The following PHACTR3 variants were observed in gnomAD, a reference collection of about 807,000 sequenced individuals.
PHACTR3 encodes phosphatase and actin regulator 3.
Under a neutral mutation model 66.8 loss-of-function variants are expected in PHACTR3, and 16 were observed. The observed-to-expected ratio is 0.24, with a 90% CI of 0.16 to 0.36. The LOEUF (loss-of-function observed/expected upper bound fraction) is 0.36. Ranked by LOEUF, PHACTR3 falls within the 10% of genes least tolerant of loss-of-function variation. The pLI is 1.00. For missense variants in PHACTR3, 647 were observed against 719.9 expected, an observed-to-expected ratio of 0.90 and a Z score of 1.16; for synonymous variants, 323 against 292.1, an observed-to-expected ratio of 1.11 and a Z score of -1.08.
intron 1 of PHACTR3, among the ~76,000 whole-genome samples, chr20:59,676,461 C>T (rs1255758409): frequency 6.6e-6 from 1 of 151,934 alleles, no homozygotes; most frequent in African/African-American, 2.4e-5. Flanking sequence ...CTCACCCCCA[C>T]CCCCACCTCA....
chr20:59,588,066 G>A (rs1020158844), intron 1 of PHACTR3, among the ~76,000 whole-genome samples: 1 of 152,160 alleles, frequency 6.6e-6, no homozygotes, highest in African/African-American at 2.4e-5. Context: ...TCAGGTCACC[G>A]GGGGTCGGGA....
At chr20:59,605,192 G>C (rs1299248071) in intron 1 of PHACTR3, 60 bp downstream of exon 1, 2 of 1,174,526 alleles carry the variant, frequency 1.7e-6, no homozygotes, top group Non-Finnish European at 2.2e-6. Context: ...GTGGCGCTGA[G>C]AGCAGGACCC....
chr20:59,597,313 CTTG>C (rs893580459), intron 1 of PHACTR3, among the ~76,000 whole-genome samples: 2 of 152,242 alleles, frequency 1.3e-5, no homozygotes, highest in African/African-American at 4.8e-5. Flanking sequence ...CAGCATTAAT[CTTG>C]TTACCTCCTC....
intron 5 of PHACTR3, among the ~76,000 whole-genome samples, chr20:59,771,653 A>G (rs2040365841): frequency 6.7e-6 from 1 of 148,684 alleles, no homozygotes; most frequent in Non-Finnish European, 1.5e-5. Flanking sequence ...TCTCTATTCT[A>G]CAATCATCTG....
intron 1 of PHACTR3, among the ~76,000 whole-genome samples, chr20:59,635,479 C>A (rs561916030): frequency 6.6e-6 from 1 of 151,952 alleles, no homozygotes; most frequent in Non-Finnish European, 1.5e-5. Context: ...GGTGATCCAT[C>A]TGCCTCAGCC....
chr20:59,654,232 GAAACAA>G (rs2035545806), intron 1 of PHACTR3, among the ~76,000 whole-genome samples: 1 of 152,138 alleles, frequency 6.6e-6, no homozygotes, highest in Non-Finnish European at 1.5e-5. Flanking sequence ...AAAGGAATAA[GAAACAA>G]GCTTTTATTC....
chr20:59,657,257 T>TTGTG (rs112043545), intron 1 of PHACTR3, among the ~76,000 whole-genome samples: 10,892 of 150,146 alleles, frequency 0.073, 415 homozygotes, highest in African/African-American at 0.097. Flanking sequence ...TAGAAGTGTG[T>TTGTG]TGTGTGTGTG....
chr20:59,766,147 A>G (rs2040173745), intron 4 of PHACTR3, among the ~76,000 whole-genome samples: 1 of 152,196 alleles, frequency 6.6e-6, no homozygotes. Context: ...GCTGGAGGTG[A>G]AGCTGTGTGG....
intron 1 of PHACTR3, among the ~76,000 whole-genome samples, chr20:59,694,669 G>A (rs980193490): frequency 1.3e-5 from 2 of 152,190 alleles, no homozygotes; most frequent in African/African-American, 4.8e-5. Context: ...TCTGTGTGAT[G>A]GAGTAATAGT....
At chr20:59,584,616 C>A (rs573809671) in intron 1 of PHACTR3, among the ~76,000 whole-genome samples, 1 of 152,266 alleles carries the variant, frequency 6.6e-6, no homozygotes, top group Admixed American at 6.5e-5. Context: ...AGTGTGCCAG[C>A]CTCAGCACAG....
At chr20:59,587,032 C>A in intron 1 of PHACTR3, among the ~76,000 whole-genome samples, 1 of 152,212 alleles carries the variant, frequency 6.6e-6, no homozygotes, top group Admixed American at 6.5e-5. Flanking sequence ...GCTTTGGAAG[C>A]CCTTAAAAGA....
chr20:59,802,889 G>A (rs757133883), intron 7 of PHACTR3, among the ~76,000 whole-genome samples: 7 of 152,180 alleles, frequency 4.6e-5, no homozygotes, highest in Non-Finnish European at 8.8e-5. Context: ...AGTTCCATAG[G>A]GTATTACTGA....
chr20:59,674,598 C>CA, intron 1 of PHACTR3, among the ~76,000 whole-genome samples: 1 of 87,826 alleles, frequency 1.1e-5, no homozygotes, highest in Non-Finnish European at 2.2e-5. Context: ...CTCCTGTCCC[C>CA]GCTTCTCCTG....
intron 1 of PHACTR3, among the ~76,000 whole-genome samples, chr20:59,646,552 C>T (rs2035286276): frequency 6.6e-6 from 1 of 152,086 alleles, no homozygotes; most frequent in Non-Finnish European, 1.5e-5. Context: ...TCAGTCCTTC[C>T]TGCTGACTTT....
At position 59,829,106 on chromosome 20, in the gene PHACTR3, C is replaced by T. The variant is rs544360431; in HGVS notation, c.1329-7399C>T. Among the ~76,000 whole-genome samples the T allele has an allele frequency of 8.5e-5, 13 of 152,078 alleles. No individual in the cohort carries two copies. The highest frequency in any genetic ancestry group is 1.4e-4 in the African/African-American group (6 of 41,484). The stretch of plus-strand genomic sequence containing the variant: ...GCCCCTGAGCCCAGGATGCTGGGCA[C>T]GGAGCAGGTGTGAGGAGGTGGGGAA... On this transcript the variant is annotated intron_variant, in intron 8 of 12. Coordinates refer to ENST00000371015, the MANE Select transcript of PHACTR3 (RefSeq NM_080672.5). The surrounding 1 kb of genome is among the most constrained non-coding windows in gnomAD (Gnocchi z 4.2).
chr20:59,615,391 G>T (rs2033992219), intron 1 of PHACTR3, among the ~76,000 whole-genome samples: 1 of 152,256 alleles, frequency 6.6e-6, no homozygotes, highest in Non-Finnish European at 1.5e-5. Context: ...GGAGCATGGT[G>T]TGAGGGTATG....
Position 59,679,347 on chromosome 20 carries a change from G to A in PHACTR3, c.119-63760G>A, listed in dbSNP as rs140060860. On this transcript the variant is annotated intron_variant, in intron 1 of 12. Transcript: ENST00000371015. ...CAGCACACACAGACATAAATGAAGT[G>A]CGTGTACATGCACACACACGAAACT... 2.0e-3 allele frequency among the ~76,000 whole-genome samples: 297 copies of A among 152,300 alleles called. 1 individual carries two copies. The highest frequency in any genetic ancestry group is 6.8e-3 in the African/African-American group (281 of 41,558).
intron 1 of PHACTR3, among the ~76,000 whole-genome samples, chr20:59,735,095 G>A (rs987786371): frequency 1.3e-5 from 2 of 151,938 alleles, no homozygotes; most frequent in Non-Finnish European, 1.5e-5. Flanking sequence ...TCCACGTATT[G>A]GTGTTACAGG....
intron 1 of PHACTR3, among the ~76,000 whole-genome samples, chr20:59,662,489 A>G (rs1568685701): frequency 6.6e-6 from 1 of 152,126 alleles, no homozygotes; most frequent in African/African-American, 2.4e-5. Context: ...CGAAAGGCCC[A>G]TGAGTCTGGA....
Sources: gnomAD v4.1 joint callset for allele counts (sites outside exome capture counted in the v4.1 genomes callset) on GRCh38, gnomAD v4.1.1 for gene constraint, Gnocchi (gnomAD v3.1) non-coding constraint, MANE v1.5 for transcripts, NCBI Gene and HGNC (gene_info 2026-07-23, HGNC 2026-07-21) for gene names.